ZNF445: variants seen among roughly 807,000 people sequenced by gnomAD.
ZNF445 encodes the protein zinc finger protein 445.
In ZNF445, 19 loss-of-function variants were observed where a neutral mutation model predicts 93.9. The observed-to-expected ratio is 0.20, with a 90% CI of 0.14 to 0.30. The LOEUF is 0.30. Ranked by LOEUF, ZNF445 falls within the 10% of genes least tolerant of loss-of-function variation. The pLI is 1.00. For synonymous variants in ZNF445, 449 were observed against 446.3 expected (o/e 1.01, Z -0.08); for missense variants, 1,058 against 1,259.4 (o/e 0.84, Z 2.42).
intron 1 of ZNF445, among the ~76,000 whole-genome samples, chr3:44,462,471 C>T (rs1698130190): frequency 6.6e-6 from 1 of 152,204 alleles, no homozygotes; most frequent in African/African-American, 2.4e-5. Flanking sequence ...CCGCTCATTG[C>T]TCTAACTCAG....
At chr3:44,468,804 T>C (rs1475761410) in intron 1 of ZNF445, among the ~76,000 whole-genome samples, 7 of 152,142 alleles carry the variant, frequency 4.6e-5, no homozygotes, top group Admixed American at 4.6e-4. Context: ...TTAAAAACTT[T>C]GCTCCGCAAA....
intron 3 of ZNF445, among the ~76,000 whole-genome samples, chr3:44,453,683 CCT>C (rs1490068396): frequency 6.6e-6 from 1 of 152,168 alleles, no homozygotes; most frequent in East Asian, 1.9e-4. Context: ...CATCAGCTCC[CCT>C]GTGTGCAGGA....
rs1697890430 is a variant in ZNF445 at position 44,447,346 on chromosome 3, T to C, written c.2325A>G (p.Ser775=). ...SQCGKAFRNH[S]FLLIHQRVHT... ...GAACTCTCTGATGGATGAGGAGGAA[T>C]GAGTGATTGCGGAAGGCCTTGCCAC... Residue 775 remains serine (S), a synonymous_variant, in exon 8 of 8, where the codon TCA becomes TCG. Transcript: ENST00000396077. This position sits in a 1 kb window ranked among gnomAD's most constrained non-coding sequence, Gnocchi z 4.7. 6.2e-7 allele frequency: 1 copy of C among 1,614,170 alleles called. No homozygotes were observed. The highest frequency in any genetic ancestry group is 1.7e-5 in the Admixed American group (1 of 60,008).
chr3:44,432,906 G>C lies in ZNF445; in HGVS notation c.*13669C>G, dbSNP rs549688319. On this transcript the variant is annotated 3_prime_UTR_variant, in exon 8 of 8. Coordinates refer to ENST00000396077, the MANE Select transcript of ZNF445 (RefSeq NM_181489.6). ...GGAGTTACAACCCATGGATTCCTTT[G>C]TGTCTGCTTCCTTTTCATTAAAATT... 1 of 152,292 alleles carries C rather than the reference G, an allele frequency of 6.6e-6. No individual in the cohort carries two copies. Among genetic ancestry groups the C allele is most frequent in the African/African-American group, 2.4e-5 (1 of 41,554 alleles). 9.4% of individuals were successfully genotyped at this position (152,292 alleles called of 1,614,324 possible). A position where few individuals can be genotyped will look rare whatever the true frequency, so the allele number is the denominator to read the frequency against.
chr3:44,459,397 A>G (rs532470285), intron 1 of ZNF445, among the ~76,000 whole-genome samples: 1 of 152,366 alleles, frequency 6.6e-6, no homozygotes, highest in Admixed American at 6.5e-5. Flanking sequence ...AGACCTGAAT[A>G]AATCTTAAGT....
rs1353523269 is a variant in ZNF445 at position 44,442,203 on chromosome 3, T to C, written c.*4372A>G. 6.6e-6 allele frequency: 1 copy of C among 152,248 alleles called. No homozygotes were observed. The highest frequency in any genetic ancestry group is 1.9e-4 in the East Asian group (1 of 5,202). The allele number at this position is 152,248 out of a possible 1,614,324, so 9.4% of individuals were successfully genotyped here. On this transcript the variant is annotated 3_prime_UTR_variant, in exon 8 of 8. Transcript: ENST00000396077. ...TGAGACGTAACTCTTTCATATTCAC[T>C]TTCCAAGGACCAAAAACAACCCATT...
At position 44,434,080 on chromosome 3, in the gene ZNF445, G is replaced by A. The variant is rs1262665665; in HGVS notation, c.*12495C>T. 6.6e-6 allele frequency: 1 copy of A among 151,978 alleles called. No homozygotes were observed. Among genetic ancestry groups the A allele is most frequent in the African/African-American group, 2.4e-5 (1 of 41,368 alleles). The allele number at this position is 151,978 out of a possible 1,614,324, so 9.4% of individuals were successfully genotyped here. A position where few individuals can be genotyped will look rare whatever the true frequency, so the allele number is the denominator to read the frequency against. ...AGAAAATCACATACAAAATTGTCTC[G>A]TGTCCCTTTTAAACATATAGAATGT... On this transcript the variant is annotated 3_prime_UTR_variant, in exon 8 of 8. Coordinates refer to ENST00000396077, the MANE Select transcript of ZNF445 (RefSeq NM_181489.6).
chr3:44,452,341 C>G (rs1247063583), intron 3 of ZNF445, among the ~76,000 whole-genome samples: 1 of 149,158 alleles, frequency 6.7e-6, no homozygotes, highest in Admixed American at 6.7e-5. Context: ...TTTTATTCTT[C>G]TAATAAAGGA....
rs144911874 is a variant in ZNF445, at chr3:44,447,004, G to A, written c.2667C>T (p.Ile889=). Reference sequence around the variant, plus strand: ...ATTTGAAAGGTCTCTCTGTAGAGTGGATCCTCTGATGGTTAACAAGGCGAT... The same window carrying A: ...ATTTGAAAGGTCTCTCTGTAGAGTGAATCCTCTGATGGTTAACAAGGCGAT... The part of the protein sequence containing the change: ...RNYRLVNHQR[I]HSTERPFKCQ... The change falls in exon 8 of 8, where the codon ATC becomes ATT. Residue 889 remains isoleucine, a synonymous_variant. Transcript: ENST00000396077. This position sits in a 1 kb window ranked among gnomAD's most constrained non-coding sequence, Gnocchi z 4.7. 3 of 1,614,030 alleles carry A rather than the reference G, an allele frequency of 1.9e-6. No homozygotes were observed. The highest frequency in any genetic ancestry group is 1.7e-5 in the Admixed American group (1 of 60,006).
chr3:44,473,643 G>A (rs988019149), intron 1 of ZNF445, among the ~76,000 whole-genome samples: 1 of 148,858 alleles, frequency 6.7e-6, no homozygotes, highest in African/African-American at 2.5e-5. Flanking sequence ...ACAACAAACA[G>A]GGATCCTTGG....
chr3:44,436,937 C>T lies in ZNF445; in HGVS notation c.*9638G>A, dbSNP rs1697692822. The T allele has an allele frequency of 6.6e-6, 1 of 152,204 alleles. No individual in the cohort carries two copies. 9.4% of individuals were successfully genotyped at this position (152,204 alleles called of 1,614,324 possible). A position where few individuals can be genotyped will look rare whatever the true frequency, so the allele number is the denominator to read the frequency against. ...ACCGCAAAAGGTTCCCAATCCAGACCCCAAGAGAGGGTTCTTGGATCTCGC... is the reference window on the plus strand; with the variant it reads ...ACCGCAAAAGGTTCCCAATCCAGACTCCAAGAGAGGGTTCTTGGATCTCGC... On this transcript the variant is annotated 3_prime_UTR_variant, in exon 8 of 8. Transcript: ENST00000396077.
At chr3:44,460,855 G>T (rs28862596) in intron 1 of ZNF445, among the ~76,000 whole-genome samples, 1,845 of 152,296 alleles carry the variant, frequency 0.012, 34 homozygotes, top group African/African-American at 0.042. Context: ...TTACAAATTT[G>T]GGGGCTTGTC....
Position 44,444,252 on chromosome 3 carries a change from G to A in ZNF445, c.*2323C>T, listed in dbSNP as rs981674276. ...GGGTGCTAAAAGTTTGATTGGAAAGGGACTTTTCCATGGTTACAACACCAA... is the reference window on the plus strand; with the variant it reads ...GGGTGCTAAAAGTTTGATTGGAAAGAGACTTTTCCATGGTTACAACACCAA... On this transcript the variant is annotated 3_prime_UTR_variant, in exon 8 of 8. Transcript: ENST00000396077. The A allele has an allele frequency of 6.6e-6, 1 of 152,262 alleles. No homozygotes were observed. Among genetic ancestry groups the A allele is most frequent in the African/African-American group, 2.4e-5 (1 of 41,444 alleles). 9.4% of individuals were successfully genotyped at this position (152,262 alleles called of 1,614,324 possible).
chr3:44,473,453 T>TTACACACA (rs1698299574), intron 1 of ZNF445, among the ~76,000 whole-genome samples: 1 of 60,848 alleles, frequency 1.6e-5, no homozygotes, highest in Non-Finnish European at 2.9e-5. Flanking sequence ...AAACTCCACT[T>TTACACACA]CACACACACA....
At chr3:44,472,749 A>G (rs909739038) in intron 1 of ZNF445, among the ~76,000 whole-genome samples, 1 of 152,228 alleles carries the variant, frequency 6.6e-6, no homozygotes, top group African/African-American at 2.4e-5. Flanking sequence ...AGGTATCTTA[A>G]TGCCACAGGC....
At position 44,455,649 on chromosome 3, in the gene ZNF445, G is replaced by C; in HGVS notation, c.-100C>G. The C allele has an allele frequency of 8.6e-7, 1 of 1,156,308 alleles. No individual in the cohort carries two copies. The highest frequency in any genetic ancestry group is 1.6e-5 in the South Asian group (1 of 62,348). 71.6% of individuals were successfully genotyped at this position (1,156,308 alleles called of 1,614,324 possible). A position where few individuals can be genotyped will look rare whatever the true frequency, so the allele number is the denominator to read the frequency against. ...TCAGCAGTCAACAATGCCAACATTT[G>C]CTGGGACATCAGAAGTCATCAGCAA... On this transcript the variant is annotated 5_prime_UTR_variant, in exon 3 of 8. Coordinates refer to ENST00000396077, the MANE Select transcript of ZNF445 (RefSeq NM_181489.6).
Position 44,471,901 on chromosome 3 carries a change from A to C in ZNF445, c.-269+5690T>G, listed in dbSNP as rs568295808. Among the ~76,000 whole-genome samples, 10 of 152,204 alleles carry C rather than the reference A, an allele frequency of 6.6e-5. No homozygotes were observed. The South Asian group carries it at 2.1e-3, about 32-fold the overall frequency. ...AATGAAAGAAGAAATAAAGTAAATA[A>C]ATGAAGGCCTATAAAAGGAGACTCG... is the stretch of plus-strand genomic sequence containing the variant. On this transcript the variant is annotated intron_variant, in intron 1 of 7. Coordinates refer to ENST00000396077, the MANE Select transcript of ZNF445 (RefSeq NM_181489.6).
intron 2 of ZNF445, among the ~76,000 whole-genome samples, chr3:44,456,288 G>A (rs566254015): frequency 7.2e-5 from 11 of 152,122 alleles, no homozygotes; most frequent in East Asian, 1.9e-4. Flanking sequence ...ATGGTGGTGC[G>A]TGCCTGTAAT....
At chr3:44,452,896 G>A (rs867689358) in intron 3 of ZNF445, among the ~76,000 whole-genome samples, 3 of 147,096 alleles carry the variant, frequency 2.0e-5, no homozygotes, top group Non-Finnish European at 4.5e-5. Context: ...GGACAAGTAT[G>A]TCAAATTTGT....
Sources: gnomAD v4.1 joint callset for allele counts (sites outside exome capture counted in the v4.1 genomes callset) on GRCh38, gnomAD v4.1.1 for gene constraint, Gnocchi (gnomAD v3.1) non-coding constraint, MANE v1.5 for transcripts, NCBI Gene and HGNC (gene_info 2026-07-23, HGNC 2026-07-21) for gene names.